The following ESRRG variants were observed in gnomAD, a reference collection of about 807,000 sequenced individuals.
ESRRG encodes estrogen related receptor gamma.
A neutral mutation model predicts 44.0 loss-of-function variants in ESRRG; 13 were observed. That is an observed-to-expected ratio of 0.30 (90% confidence interval 0.19 to 0.47). ESRRG has a LOEUF of 0.47. Among genes scored for constraint, ESRRG ranks in the 20% least tolerant of loss-of-function variants. The pLI is 1.00. For synonymous variants in ESRRG, 215 were observed against 214.6 expected, an observed-to-expected ratio of 1.00 and a Z score of -0.02; for missense variants, 395 against 580.6, an observed-to-expected ratio of 0.68 and a Z score of 3.29.
rs2056898604 is a variant in ESRRG, at chr1:216,553,587, G to T, written c.862+10632C>A. On this transcript the variant is annotated intron_variant, in intron 5 of 6. Transcript: ENST00000408911. ...GTTATGTGATTACTGGAGACTAGCA[G>T]AGTTTCAGATTAAGTTGAATTGACT... is the stretch of plus-strand genomic sequence containing the variant. Among the ~76,000 whole-genome samples, 3 of 152,260 alleles carry T rather than the reference G, an allele frequency of 2.0e-5. No individual in the cohort carries two copies. In the Middle Eastern group the frequency reaches 0.01, roughly 518 times the overall value.
chr1:217,107,217 TAA>T (rs2092608050), intron 1 of ESRRG, among the ~76,000 whole-genome samples: 1 of 152,192 alleles, frequency 6.6e-6, no homozygotes, highest in African/African-American at 2.4e-5. Flanking sequence ...GATAAGCAAA[TAA>T]GAGTACGTCA....
At chr1:216,925,787 C>G (rs2062475028) in intron 2 of ESRRG, among the ~76,000 whole-genome samples, 1 of 151,876 alleles carries the variant, frequency 6.6e-6, no homozygotes, top group Non-Finnish European at 1.5e-5. Context: ...CCTGTCTCTC[C>G]TAAAAATACA....
intron 5 of ESRRG, among the ~76,000 whole-genome samples, chr1:216,552,169 T>C (rs971320313): frequency 3.3e-5 from 5 of 152,146 alleles, no homozygotes; most frequent in African/African-American, 1.2e-4. Flanking sequence ...TATTAATCTA[T>C]CTTCAAGAAA....
chr1:216,994,101 G>A (rs1348757473), intron 1 of ESRRG, among the ~76,000 whole-genome samples: 1 of 152,116 alleles, frequency 6.6e-6, no homozygotes, highest in Non-Finnish European at 1.5e-5. Context: ...ATATCTCTGA[G>A]CTTGCTAACT....
At chr1:217,041,645 A>C (rs2083890584) in intron 1 of ESRRG, among the ~76,000 whole-genome samples, 1 of 152,100 alleles carries the variant, frequency 6.6e-6, no homozygotes, top group Non-Finnish European at 1.5e-5. Flanking sequence ...GTTTTTGTTT[A>C]TTGTTTCCTC....
chr1:216,844,445 T>C (rs148307621), intron 2 of ESRRG, among the ~76,000 whole-genome samples: 1 of 152,196 alleles, frequency 6.6e-6, no homozygotes, highest in African/African-American at 2.4e-5. Flanking sequence ...CACTCCCCAC[T>C]TGAGTCTAAA....
intron 2 of ESRRG, among the ~76,000 whole-genome samples, chr1:216,654,583 C>T (rs1304885889): frequency 2.0e-5 from 3 of 148,970 alleles, no homozygotes; most frequent in African/African-American, 5.0e-5. Context: ...GAGCTGAGAT[C>T]GTGCCATTGC....
At chr1:217,001,193 T>C (rs10863286) in intron 1 of ESRRG, among the ~76,000 whole-genome samples, 57,470 of 152,136 alleles carry the variant, frequency 0.38, 11,439 homozygotes, top group Non-Finnish European at 0.45. Context: ...TAGTGGAAGC[T>C]GCCTTCTTTT....
At chr1:216,793,180 A>G (rs1050090072) in intron 2 of ESRRG, among the ~76,000 whole-genome samples, 1 of 152,052 alleles carries the variant, frequency 6.6e-6, no homozygotes, top group Non-Finnish European at 1.5e-5. Flanking sequence ...TTTGTTGCTA[A>G]TCTTGGACAC....
chr1:216,562,656 C>T (rs2058995420), intron 5 of ESRRG, among the ~76,000 whole-genome samples: 1 of 152,000 alleles, frequency 6.6e-6, no homozygotes, highest in Non-Finnish European at 1.5e-5. Flanking sequence ...TGACAATTAT[C>T]TCGTCCCAAA....
chr1:216,867,431 T>G (rs932097683), intron 2 of ESRRG, among the ~76,000 whole-genome samples: 7 of 152,182 alleles, frequency 4.6e-5, no homozygotes, highest in African/African-American at 7.2e-5. Flanking sequence ...TCTTCATATA[T>G]TCATGAAGAA....
At chr1:217,077,481 C>A (rs746618642) in intron 1 of ESRRG, among the ~76,000 whole-genome samples, 2 of 152,116 alleles carry the variant, frequency 1.3e-5, no homozygotes, top group African/African-American at 4.8e-5. Context: ...GGTAATACGA[C>A]CACCCTTGAA....
At chr1:216,782,595 G>A (rs1334609941) in intron 2 of ESRRG, among the ~76,000 whole-genome samples, 4 of 152,010 alleles carry the variant, frequency 2.6e-5, no homozygotes, top group Non-Finnish European at 5.9e-5. Context: ...CAGCAGAATT[G>A]AGTCATTTTC....
chr1:216,711,344 C>T (rs547478267), intron 1 of ESRRG, among the ~76,000 whole-genome samples: 13 of 152,276 alleles, frequency 8.5e-5, no homozygotes, highest in African/African-American at 3.1e-4. Flanking sequence ...TGCAGCTGCC[C>T]ACACCACAGC....
intron 1 of ESRRG, among the ~76,000 whole-genome samples, chr1:217,034,530 C>A (rs1158832507): frequency 6.6e-6 from 1 of 152,138 alleles, no homozygotes; most frequent in Non-Finnish European, 1.5e-5. Flanking sequence ...GCGGACCTGG[C>A]CTTCTGCAGC....
intron 5 of ESRRG, among the ~76,000 whole-genome samples, chr1:216,529,255 A>C (rs2048565490): frequency 6.6e-6 from 1 of 152,206 alleles, no homozygotes; most frequent in Non-Finnish European, 1.5e-5. Flanking sequence ...GCAGGAACCA[A>C]AAACATTTTT....
intron 1 of ESRRG, among the ~76,000 whole-genome samples, chr1:216,974,110 T>C (rs1355391670): frequency 1.3e-5 from 2 of 152,214 alleles, no homozygotes; most frequent in Admixed American, 6.5e-5. Context: ...TAATATTTCT[T>C]TTTAAAGAAC....
At chr1:216,651,388 TC>T (rs1249306737) in intron 2 of ESRRG, among the ~76,000 whole-genome samples, 1 of 152,176 alleles carries the variant, frequency 6.6e-6, no homozygotes, top group Non-Finnish European at 1.5e-5. Flanking sequence ...AGTCTTATGA[TC>T]CAAAAGAAAT....
At chr1:217,009,985 T>G (rs1417790183) in intron 1 of ESRRG, among the ~76,000 whole-genome samples, 1 of 152,132 alleles carries the variant, frequency 6.6e-6, no homozygotes, top group Non-Finnish European at 1.5e-5. Context: ...ATTACAAGTG[T>G]GAGCCACCGC....
Sources: allele counts gnomAD v4.1 joint callset (sites outside exome capture counted in the v4.1 genomes callset), GRCh38; gene constraint gnomAD v4.1.1; transcripts MANE v1.5; gene names NCBI Gene and HGNC (gene_info 2026-07-23, HGNC 2026-07-21).